The following PLCG2 variants were observed in gnomAD, a reference collection of about 807,000 sequenced individuals.
PLCG2 encodes the protein 1-phosphatidylinositol 4,5-bisphosphate phosphodiesterase gamma-2.
PLCG2 carries 69 observed loss-of-function variants against 175.6 expected under a neutral mutation model. That is an observed-to-expected ratio of 0.39 (90% CI 0.32 to 0.48). The LOEUF is 0.48. PLCG2 is among the 20% of genes least tolerant of loss of function. The pLI, the probability that PLCG2 is intolerant of heterozygous loss-of-function variation, is 0.91. For synonymous variants in PLCG2, 827 were observed against 624.0 expected (o/e 1.33, Z -4.85); for missense variants, 1,798 against 1,650.9 (o/e 1.09, Z -1.54).
At position 81,769,774 on chromosome 16, in the gene PLCG2, C is replaced by T. The variant is rs1238905689; in HGVS notation, c.-48+13808C>T. Among the ~76,000 whole-genome samples, 2 of 135,394 alleles carry T rather than the reference C, an allele frequency of 1.5e-5. 1 individual carries two copies. The highest frequency in any genetic ancestry group is 1.8e-4 in the Admixed American group (2 of 11,336). The allele number at this position is 135,394 out of a possible 152,430, so 88.8% of individuals were successfully genotyped here. A position where few individuals can be genotyped will look rare whatever the true frequency, so the allele number is the denominator to read the frequency against. On this transcript the variant is annotated intron_variant, in intron 2 of 5. Transcript: ENST00000565054. ...GGCGGAGCTTGCAGTGAGCCGAGAT[C>T]CCGCCACTGCACTCCAGCCTGGGCG...
chr16:81,904,583 C>T (rs1438754915), intron 14 of PLCG2, among the ~76,000 whole-genome samples: 1 of 152,214 alleles, frequency 6.6e-6, no homozygotes, highest in Non-Finnish European at 1.5e-5. Context: ...CGCCACCCTG[C>T]CCAGCCTGTT....
intron 11 of PLCG2, among the ~76,000 whole-genome samples, chr16:81,892,266 G>A (rs182796672): frequency 5.3e-5 from 8 of 152,296 alleles, no homozygotes; most frequent in African/African-American, 9.6e-5. Flanking sequence ...GAGAGCTGTC[G>A]GGGAGACCCT....
intron 31 of PLCG2, among the ~76,000 whole-genome samples, chr16:81,955,231 T>C (rs998347622): frequency 3.3e-5 from 5 of 152,208 alleles, no homozygotes; most frequent in African/African-American, 1.2e-4. Context: ...GGGACTGTTT[T>C]GTTAGGTCAT....
intron 19 of PLCG2, among the ~76,000 whole-genome samples, chr16:81,914,376 G>C (rs1358865510): frequency 1.3e-5 from 2 of 152,202 alleles, no homozygotes; most frequent in African/African-American, 2.4e-5. Context: ...CCGGCAGAAA[G>C]GATGGCCCCC....
intron 26 of PLCG2, 126 bp from the exon 27 acceptor site, chr16:81,936,043 T>C (rs2143725741): frequency 6.8e-7 from 1 of 1,473,146 alleles, no homozygotes; most frequent in East Asian, 2.5e-5. Context: ...TCAGAACCCC[T>C]TGAATGTCAA....
chr16:81,941,255 G>GGTGGCTCACTCCTGTAA (rs1910928218), intron 30 of PLCG2, among the ~76,000 whole-genome samples: 2 of 152,266 alleles, frequency 1.3e-5, no homozygotes, highest in East Asian at 3.9e-4. Flanking sequence ...GGCCGGGCAC[G>GGTGGCTCACTCCTGTAA]GTGGCTCACT....
At chr16:81,823,926 TC>T (rs1400671014) in intron 2 of PLCG2, among the ~76,000 whole-genome samples, 1 of 150,830 alleles carries the variant, frequency 6.6e-6, no homozygotes, top group African/African-American at 2.4e-5. Flanking sequence ...CATCCTTTCT[TC>T]CTTCCTTCCT....
rs1369745419 is a variant in PLCG2, at chr16:81,910,522, G to A, written c.1736G>A (p.Arg579Gln). Residue 579 changes from arginine to glutamine, a missense_variant and splice_region_variant, in exon 18 of 33, where the codon CGG (arginine) becomes CAG (glutamine). Coordinates refer to ENST00000564138, the MANE Select transcript of PLCG2 (RefSeq NM_002661.5). ...FPNDYTLSFW[R>Q]SGRVQHCRIR... ...CTGATGGCGTCCTCTCCCCGCAGGC[G>A]GTCAGGCCGGGTCCAGCACTGCCGG... 5 of 1,613,638 alleles carry A rather than the reference G, an allele frequency of 3.1e-6. No individual in the cohort carries two copies. Among genetic ancestry groups the A allele is most frequent in the East Asian group, 2.2e-5 (1 of 44,898 alleles).
Position 81,862,853 on chromosome 16 carries a change from C to T in PLCG2, c.479+3690C>T, listed in dbSNP as rs1054950305. Reference sequence around the variant, plus strand: ...TGCCACTGAGCTCCAGCCTGGGCAACAGAGTGAGATCCCATCTCAAAAACA... The same window carrying T: ...TGCCACTGAGCTCCAGCCTGGGCAATAGAGTGAGATCCCATCTCAAAAACA... On this transcript the variant is annotated intron_variant, in intron 5 of 32. Coordinates refer to ENST00000564138, the MANE Select transcript of PLCG2 (RefSeq NM_002661.5). Among the ~76,000 whole-genome samples the T allele has an allele frequency of 2.6e-5, 4 of 152,214 alleles. No homozygotes were observed. The East Asian group carries it at 7.7e-4, about 29-fold the overall frequency.
At chr16:81,810,690 C>T (rs1200340400) in intron 2 of PLCG2, among the ~76,000 whole-genome samples, 1 of 150,838 alleles carries the variant, frequency 6.6e-6, no homozygotes, top group Non-Finnish European at 1.5e-5. Context: ...TGGCCCTGAG[C>T]AAAGTGCATT....
chr16:81,811,983 C>A (rs1350449618), intron 2 of PLCG2, among the ~76,000 whole-genome samples: 1 of 151,840 alleles, frequency 6.6e-6, no homozygotes, highest in African/African-American at 2.4e-5. Flanking sequence ...TACACTCCTA[C>A]CAACAGTGTA....
At chr16:81,931,294 C>G (rs1910491715) in intron 24 of PLCG2, 1 of 443,432 alleles carries the variant, frequency 2.3e-6, no homozygotes, top group Non-Finnish European at 4.0e-6. Flanking sequence ...TTTCGGAGGA[C>G]CCTACTGAAT....
chr16:81,920,136 G>C (rs927247413), intron 20 of PLCG2, among the ~76,000 whole-genome samples: 7 of 152,180 alleles, frequency 4.6e-5, no homozygotes, highest in African/African-American at 1.7e-4. Flanking sequence ...TGGGGGTAGA[G>C]CTAAATAAGG....
intron 1 of PLCG2, among the ~76,000 whole-genome samples, chr16:81,747,713 A>T (rs1011184514): frequency 7.9e-5 from 12 of 152,142 alleles, no homozygotes; most frequent in Admixed American, 2.0e-4. Flanking sequence ...TCTTGCAAAA[A>T]AATGTTTAAC....
chr16:81,803,581 CCTTT>C, intron 2 of PLCG2, among the ~76,000 whole-genome samples: 1 of 146,620 alleles, frequency 6.8e-6, no homozygotes, highest in Non-Finnish European at 1.5e-5. Flanking sequence ...CCTTTCCTTT[CCTTT>C]CTTTTCTTTT....
intron 2 of PLCG2, among the ~76,000 whole-genome samples, chr16:81,764,815 T>C (rs1597306651): frequency 6.6e-6 from 1 of 152,088 alleles, no homozygotes; most frequent in African/African-American, 2.4e-5. Context: ...TGAGGCTGGG[T>C]GTGGTGGTTC....
At chr16:81,787,613 A>C (rs1911039050) in intron 2 of PLCG2, among the ~76,000 whole-genome samples, 1 of 151,170 alleles carries the variant, frequency 6.6e-6, no homozygotes. Flanking sequence ...TGTATGCAGC[A>C]TGTATAGTGT....
chr16:81,790,271 C>A (rs893249224), intron 2 of PLCG2, among the ~76,000 whole-genome samples: 3 of 152,166 alleles, frequency 2.0e-5, no homozygotes, highest in African/African-American at 7.2e-5. Context: ...GGGGTTTGGA[C>A]TGGAGGGGAG....
At chr16:81,946,150 C>G (rs367874879) in intron 30 of PLCG2, 25 bp from the exon 31 acceptor site, 102 of 1,583,340 alleles carry the variant, frequency 6.4e-5, no homozygotes, top group Non-Finnish European at 8.2e-5. Context: ...CCTGCCTTTG[C>G]ATTTTCCTCC....
Sources: gnomAD v4.1 joint callset for allele counts (sites outside exome capture counted in the v4.1 genomes callset) on GRCh38, gnomAD v4.1.1 for gene constraint, MANE v1.5 for transcripts, NCBI Gene and HGNC (gene_info 2026-07-23, HGNC 2026-07-21) for gene names.